Variants in GRIP1 observed in about 807,000 individuals in gnomAD.
GRIP1 encodes the protein glutamate receptor interacting protein 1.
Under a neutral mutation model 129.9 loss-of-function variants are expected in GRIP1, and 45 were observed. The ratio of observed to expected loss-of-function variants is 0.35; its 90% CI spans 0.27 to 0.44. The LOEUF (loss-of-function observed/expected upper bound fraction) is 0.44, where lower values mean the gene tolerates loss of function less well. Among genes scored for constraint, GRIP1 ranks in the 20% least tolerant of loss-of-function variants. The pLI, the probability that GRIP1 is intolerant of heterozygous loss-of-function variation, is 1.00. For synonymous variants in GRIP1, 530 were observed against 520.8 expected, an observed-to-expected ratio of 1.02 and a Z score of -0.24; for missense variants, 1,196 against 1,396.8, an observed-to-expected ratio of 0.86 and a Z score of 2.29.
At chr12:66,376,580 C>T (rs549329471) in intron 22 of GRIP1, among the ~76,000 whole-genome samples, 20 of 152,334 alleles carry the variant, frequency 1.3e-4, no homozygotes, top group East Asian at 9.6e-4. Context: ...TCAGGATTTA[C>T]AATTAACAGC....
At position 66,441,054 on chromosome 12, in the gene GRIP1, G is replaced by A. The variant is rs556897481; in HGVS notation, c.1687+3530C>T. On this transcript the variant is annotated intron_variant, in intron 13 of 24. Transcript: ENST00000359742. Reference sequence around the variant, plus strand: ...AGCAGACAGCAAGCAGAGCATCTCTGTATTTGTCACTCTCCACTCATTCCT... The same window carrying A: ...AGCAGACAGCAAGCAGAGCATCTCTATATTTGTCACTCTCCACTCATTCCT... Among the ~76,000 whole-genome samples the A allele has an allele frequency of 2.0e-5, 3 of 152,290 alleles. No individual in the cohort carries two copies. In the South Asian group the frequency reaches 6.2e-4, roughly 32 times the overall value.
intron 11 of GRIP1, among the ~76,000 whole-genome samples, chr12:66,448,000 G>C (rs2058678763): frequency 6.6e-6 from 1 of 152,134 alleles, no homozygotes; most frequent in Admixed American, 6.5e-5. Flanking sequence ...GCCTCCCTCT[G>C]CATTTCAGCG....
chr12:66,970,203 T>C (rs1159692358), intron 1 of GRIP1, among the ~76,000 whole-genome samples: 2 of 152,152 alleles, frequency 1.3e-5, no homozygotes, highest in Admixed American at 6.6e-5. Flanking sequence ...CACCTCAGCC[T>C]CCTAAGTAGC....
intron 1 of GRIP1, among the ~76,000 whole-genome samples, chr12:66,819,946 T>C (rs1203119867): frequency 6.6e-6 from 1 of 152,164 alleles, no homozygotes; most frequent in African/African-American, 2.4e-5. Context: ...AATTGATGAA[T>C]TTCTGGAGTG....
Position 66,371,773 on chromosome 12 carries a change from C to T in GRIP1, c.2933G>A (p.Gly978Asp), listed in dbSNP as rs766501969. The change falls in exon 23 of 25, where the codon GGT (glycine) becomes GAT (aspartate). Residue 978 changes from glycine to aspartate, a missense_variant. Coordinates refer to ENST00000359742, the MANE Select transcript of GRIP1 (RefSeq NM_001366722.1). ...TRSNTLPSDV[G>D]RKSVTLRKMK... ...TTTTCTCAGGGTTACTGACTTCCTA[C>T]CCACATCTGAAGGCAGGGTGTTGCT... The T allele has an allele frequency of 6.2e-7, 1 of 1,613,960 alleles. No homozygotes were observed. Among genetic ancestry groups the T allele is most frequent in the African/African-American group, 1.3e-5 (1 of 74,934 alleles).
intron 1 of GRIP1, among the ~76,000 whole-genome samples, chr12:66,798,576 GAAGGA>G (rs2038767881): frequency 6.6e-6 from 1 of 152,176 alleles, no homozygotes; most frequent in African/African-American, 2.4e-5. Context: ...GGATATTGAA[GAAGGA>G]CCTTCTATTT....
intron 1 of GRIP1, among the ~76,000 whole-genome samples, chr12:66,998,445 T>G (rs1310837165): frequency 6.6e-6 from 1 of 152,186 alleles, no homozygotes; most frequent in Non-Finnish European, 1.5e-5. Context: ...TATTTGTTTA[T>G]GCATACAACC....
rs1164829648 is a variant in GRIP1, at chr12:66,694,368, CA to C, written c.-419-64033del. ...TACTTTTAGACTTAATGAAAAGCTG[CA>C]AAAAAATGTGGAAACAGAGAGTTTC... is the stretch of plus-strand genomic sequence containing the variant. On this transcript the variant is annotated intron_variant, in intron 1 of 4. Coordinates refer to the GRIP1 transcript ENST00000538373. Among the ~76,000 whole-genome samples, 6 of 152,006 alleles carry C rather than the reference CA, an allele frequency of 3.9e-5. No individual in the cohort carries two copies. In the East Asian group the frequency reaches 9.7e-4, roughly 25 times the overall value.
intron 5 of GRIP1, among the ~76,000 whole-genome samples, chr12:66,521,575 T>A (rs4506731): frequency 6.6e-6 from 1 of 151,348 alleles, no homozygotes; most frequent in Non-Finnish European, 1.5e-5. Context: ...CCAGCGTGAG[T>A]GACGCAGAAG....
chr12:66,623,114 C>T (rs1158713215), intron 1 of GRIP1, among the ~76,000 whole-genome samples: 1 of 152,050 alleles, frequency 6.6e-6, no homozygotes, highest in Non-Finnish European at 1.5e-5. Flanking sequence ...AATGAATGAA[C>T]CAGACTAATA....
chr12:66,529,793 T>C lies in GRIP1; in HGVS notation c.502+38A>G, dbSNP rs183339429. ...CCTGTTCTCTGAAAACCTATGGAAA[T>C]ATTTTTTTTAAAGTAGATTTTTCTA... On this transcript the variant is annotated intron_variant, in intron 5 of 24. Coordinates refer to ENST00000359742, the MANE Select transcript of GRIP1 (RefSeq NM_001366722.1). 1,044 of 1,084,926 alleles carry C rather than the reference T, an allele frequency of 9.6e-4. 2 individuals carry two copies. The highest frequency in any genetic ancestry group is 1.2e-3 in the Non-Finnish European group (827 of 697,566). 67.2% of individuals were successfully genotyped at this position (1,084,926 alleles called of 1,614,324 possible).
At chr12:66,696,674 G>A (rs1041695929) in intron 1 of GRIP1, among the ~76,000 whole-genome samples, 10 of 151,560 alleles carry the variant, frequency 6.6e-5, no homozygotes, top group South Asian at 6.3e-4. Flanking sequence ...GCATGGTGGC[G>A]GGCACCTGTA....
intron 22 of GRIP1, 193 bp from the exon 23 acceptor site, chr12:66,372,120 T>C: frequency 1.6e-6 from 1 of 626,610 alleles, no homozygotes; most frequent in Non-Finnish European, 2.9e-6. Flanking sequence ...ACATTTATAA[T>C]GCACATCTCA....
intron 1 of GRIP1, among the ~76,000 whole-genome samples, chr12:66,707,903 G>A (rs1179646196): frequency 6.6e-6 from 1 of 151,988 alleles, no homozygotes; most frequent in Non-Finnish European, 1.5e-5. Context: ...CTATCTGGAT[G>A]TTAAAAAATA....
chr12:66,508,202 T>C (rs780450019), intron 7 of GRIP1, among the ~76,000 whole-genome samples: 1 of 152,174 alleles, frequency 6.6e-6, no homozygotes, highest in Admixed American at 6.5e-5. Context: ...AGCATAAACA[T>C]TGATGTTCTG....
intron 1 of GRIP1, among the ~76,000 whole-genome samples, chr12:66,929,560 C>T (rs2041353232): frequency 6.6e-6 from 1 of 152,124 alleles, no homozygotes; most frequent in Non-Finnish European, 1.5e-5. Context: ...ATTTTTGAAT[C>T]ATAAGTGAAT....
intron 7 of GRIP1, among the ~76,000 whole-genome samples, chr12:66,468,679 G>GTTGT (rs369526424): frequency 2.7e-5 from 4 of 149,170 alleles, no homozygotes; most frequent in African/African-American, 9.9e-5. Flanking sequence ...CCTTAAGTTA[G>GTTGT]TTTTTTTTTT....
intron 1 of GRIP1, among the ~76,000 whole-genome samples, chr12:66,831,073 C>T (rs1038998204): frequency 5.9e-5 from 9 of 151,922 alleles, no homozygotes; most frequent in Non-Finnish European, 1.0e-4. Flanking sequence ...AGGCTGGTCT[C>T]GAACTCTTGG....
chr12:66,963,189 C>T (rs1052967424), intron 1 of GRIP1, among the ~76,000 whole-genome samples: 2 of 152,008 alleles, frequency 1.3e-5, no homozygotes, highest in Non-Finnish European at 2.9e-5. Context: ...GTGGCATGCA[C>T]CTGTAGTCCC....
Sources: gnomAD v4.1 joint callset for allele counts (sites outside exome capture counted in the v4.1 genomes callset) on GRCh38, gnomAD v4.1.1 for gene constraint, MANE v1.5 for transcripts, NCBI Gene and HGNC (gene_info 2026-07-23, HGNC 2026-07-21) for gene names.